Variants in FN1 observed in about 807,000 individuals in gnomAD.
The protein encoded by FN1 is fibronectin.
FN1 carries 106 observed loss-of-function variants against 297.3 expected under a neutral mutation model. That is an observed-to-expected ratio of 0.36 (90% CI 0.30 to 0.42). The LOEUF is 0.42. FN1 is among the 10% of genes least tolerant of loss of function. The pLI is 1.00. For synonymous variants in FN1, 1,149 were observed against 1,152.6 expected, an observed-to-expected ratio of 1.00 and a Z score of 0.06; for missense variants, 2,690 against 3,124.9, an observed-to-expected ratio of 0.86 and a Z score of 3.32.
rs1229827439 is a variant in FN1, at chr2:215,378,193, C to T, written c.5692G>A (p.Val1898Ile). Residue 1898 changes from valine (V) to isoleucine (I), a missense_variant, in exon 35 of 46, where the codon GTT becomes ATT. Val to Ile is a conservative substitution (Grantham distance 29). This residue lies in a region of FN1 where 1,743 missense variants were observed against 1,945.2 expected (regional missense o/e 0.90). Coordinates refer to ENST00000354785, the MANE Select transcript of FN1 (RefSeq NM_212482.4). Reference protein sequence around the residue: ...DTLTSRPAQGVVTTLENVSPP... With the variant: ...DTLTSRPAQGIVTTLENVSPP... ...TACTTACTCTCCAGAGTGGTGACAA[C>T]TCCCTGAGCTGGTCTGCTTGTCAAA... 6.2e-7 allele frequency: 1 copy of T among 1,606,138 alleles called. No individual in the cohort carries two copies. Among genetic ancestry groups the T allele is most frequent in the African/African-American group, 1.3e-5 (1 of 74,898 alleles).
intron 6 of FN1, among the ~76,000 whole-genome samples, chr2:215,427,550 C>T (rs899894596): frequency 6.6e-6 from 1 of 152,138 alleles, no homozygotes; most frequent in African/African-American, 2.4e-5. Context: ...TCATGTCTTT[C>T]ATGGCCATCT....
chr2:215,406,159 A>G (rs1337369673), intron 19 of FN1, 79 bp downstream of exon 19: 3 of 1,414,156 alleles, frequency 2.1e-6, no homozygotes, highest in Non-Finnish European at 3.0e-6. Context: ...CTCTGAGTGA[A>G]TGGTTTACTG....
chr2:215,433,629 G>C (rs1454782088), intron 2 of FN1, among the ~76,000 whole-genome samples, 168 bp from the exon 3 acceptor site: 2 of 152,166 alleles, frequency 1.3e-5, no homozygotes, highest in African/African-American at 4.8e-5. Flanking sequence ...GCTCTAATAA[G>C]GCCATGGTTT....
chr2:215,407,344 A>G, intron 17 of FN1, 23 bp from the exon 18 acceptor site: 1 of 1,591,698 alleles, frequency 6.3e-7, no homozygotes, highest in Non-Finnish European at 8.6e-7. Context: ...GAGCAAAAGT[A>G]AGATGCACTG....
In FN1 at chr2:215,430,735, C is replaced by T. The variant is rs778971356; in HGVS notation, c.665G>A (p.Arg222His). 2.5e-5 allele frequency: 41 copies of T among 1,614,062 alleles called. No individual in the cohort carries two copies. The highest frequency in any genetic ancestry group is 2.6e-5 in the Non-Finnish European group (31 of 1,179,950). Residue 222 changes from arginine (R) to histidine (H), a missense_variant, in exon 5 of 46, where the codon CGC becomes CAC. Physicochemically the swap from Arg to His is conservative, Grantham distance 29. Coordinates refer to ENST00000354785, the MANE Select transcript of FN1 (RefSeq NM_212482.4). ...CATACTTCTAGAAGTGCAAGTGATGCGTCCGCTGCCTTCTCCCAGGCAAGT... is the reference window on the plus strand; with the variant it reads ...CATACTTCTAGAAGTGCAAGTGATGTGTCCGCTGCCTTCTCCCAGGCAAGT... Reference protein sequence around the residue: ...DCTCLGEGSGRITCTSRNRCN... With the variant: ...DCTCLGEGSGHITCTSRNRCN...
At chr2:215,418,251 T>C (rs10199059) in intron 12 of FN1, among the ~76,000 whole-genome samples, 50,703 of 152,110 alleles carry the variant, frequency 0.33, 9,824 homozygotes, top group South Asian at 0.51. Flanking sequence ...TCTGGGTGTT[T>C]AGTATTTAGG....
intron 40 of FN1, 69 bp from the exon 41 acceptor site, chr2:215,370,501 T>TA (rs1433514339): frequency 7.8e-7 from 1 of 1,279,734 alleles, no homozygotes; most frequent in Non-Finnish European, 1.1e-6. Flanking sequence ...GCTCTCCTCT[T>TA]ACCAATAACC....
intron 20 of FN1, among the ~76,000 whole-genome samples, chr2:215,402,401 A>G (rs2061271583): frequency 2.0e-5 from 3 of 152,236 alleles, no homozygotes; most frequent in African/African-American, 7.2e-5. Context: ...TATCAATATA[A>G]GACTAAGCTG....
intron 38 of FN1, among the ~76,000 whole-genome samples, chr2:215,374,490 G>C (rs959715846): frequency 1.3e-5 from 2 of 152,142 alleles, no homozygotes; most frequent in Non-Finnish European, 2.9e-5. Flanking sequence ...AGATCTGATA[G>C]TTTTGTAAGT....
chr2:215,418,115 A>T (rs1414726789), intron 12 of FN1, among the ~76,000 whole-genome samples: 1 of 152,196 alleles, frequency 6.6e-6, no homozygotes, highest in Non-Finnish European at 1.5e-5. Context: ...ATCCTCCAAG[A>T]AATACAATTT....
Position 215,435,750 on chromosome 2 carries a change from C to T in FN1, c.53G>A (p.Gly18Glu). The T allele has an allele frequency of 6.2e-7, 1 of 1,602,210 alleles. No homozygotes were observed. The highest frequency in any genetic ancestry group is 8.5e-7 in the Non-Finnish European group (1 of 1,175,224). ...GGCTCCCGTGGAGGGCACCGCTGTC[C>T]CCAGGCACTGGACGGCCAGCAGCAG... ...GLLLLAVQCL[G>E]TAVPSTGASK... The change falls in exon 1 of 46, where the codon GGG (glycine) becomes GAG (glutamate). Residue 18 changes from glycine (G) to glutamate (E), a missense_variant. This residue lies in a region of FN1 where 876 missense variants were observed against 1,058.1 expected (regional missense o/e 0.83). Coordinates refer to ENST00000354785, the MANE Select transcript of FN1 (RefSeq NM_212482.4).
chr2:215,422,317 C>T, intron 9 of FN1, 74 bp from the exon 10 acceptor site: 1 of 1,424,600 alleles, frequency 7.0e-7, no homozygotes, highest in South Asian at 1.1e-5. Context: ...GCAAAAGGAT[C>T]AGTTCAGTTT....
chr2:215,402,074 C>CA (rs1182837331), intron 20 of FN1, among the ~76,000 whole-genome samples: 3 of 152,182 alleles, frequency 2.0e-5, no homozygotes, highest in East Asian at 3.9e-4. Flanking sequence ...TAATGGCCCA[C>CA]AAAAAACAAT....
At chr2:215,366,816 C>G (rs1037920942) in intron 42 of FN1, among the ~76,000 whole-genome samples, 1 of 149,642 alleles carries the variant, frequency 6.7e-6, no homozygotes, top group Non-Finnish European at 1.5e-5. Flanking sequence ...AGGTAATAAA[C>G]ATACAAACTT....
intron 29 of FN1, chr2:215,384,406 A>G: frequency 1.8e-6 from 1 of 563,736 alleles, no homozygotes; most frequent in East Asian, 3.0e-5. Flanking sequence ...CTGTTTTAAC[A>G]TTTCAGCTTT....
chr2:215,381,860 G>A (rs2058266047), intron 32 of FN1: 1 of 353,472 alleles, frequency 2.8e-6, no homozygotes, highest in Non-Finnish European at 5.5e-6. Context: ...CAAACATAAA[G>A]CTACATGAGG....
At chr2:215,421,490 G>C (rs1034812073) in intron 10 of FN1, among the ~76,000 whole-genome samples, 1 of 152,142 alleles carries the variant, frequency 6.6e-6, no homozygotes, top group Admixed American at 6.5e-5. Context: ...CACAAAAGGA[G>C]AACAAATTCA....
intron 39 of FN1, among the ~76,000 whole-genome samples, chr2:215,372,645 TG>T (rs1404328359): frequency 6.6e-6 from 1 of 152,220 alleles, no homozygotes; most frequent in African/African-American, 2.4e-5. Context: ...CCGTAGAAGC[TG>T]CCTCTGCTCA....
intron 38 of FN1, 90 bp downstream of exon 38, chr2:215,375,122 GAC>G: frequency 7.9e-7 from 1 of 1,261,746 alleles, no homozygotes; most frequent in Non-Finnish European, 1.2e-6. Flanking sequence ...GCATTCTCAT[GAC>G]ACAGTATCAA....
Sources: allele counts gnomAD v4.1 joint callset (sites outside exome capture counted in the v4.1 genomes callset), GRCh38; gene constraint gnomAD v4.1.1; regional missense constraint gnomAD v4.1.1; transcripts MANE v1.5; gene names NCBI Gene and HGNC (gene_info 2026-07-23, HGNC 2026-07-21).